Variants in PCSK2 observed in about 807,000 individuals in gnomAD.
The protein encoded by PCSK2 is neuroendocrine convertase 2.
Under a neutral mutation model 69.7 loss-of-function variants are expected in PCSK2, and 14 were observed. The observed-to-expected ratio is 0.20, with a 90% confidence interval of 0.13 to 0.31. The LOEUF is 0.31. Ranked by LOEUF, PCSK2 falls within the 10% of genes least tolerant of loss-of-function variation. The pLI is 1.00. For missense variants in PCSK2, 544 were observed against 842.5 expected, an observed-to-expected ratio of 0.65 and a Z score of 4.39; for synonymous variants, 307 against 320.7, an observed-to-expected ratio of 0.96 and a Z score of 0.46.
intron 2 of PCSK2, among the ~76,000 whole-genome samples, chr20:17,297,571 T>C (rs1485299567): frequency 6.6e-6 from 1 of 152,244 alleles, no homozygotes; most frequent in Non-Finnish European, 1.5e-5. Flanking sequence ...CATGGGTCTC[T>C]TTCCAGGACT....
Position 17,426,394 on chromosome 20 carries a change from C to T in PCSK2, c.621-3041C>T, listed in dbSNP as rs576631819. Among the ~76,000 whole-genome samples the T allele has an allele frequency of 1.6e-4, 25 of 152,324 alleles. No homozygotes were observed. The East Asian group carries it at 4.6e-3, about 28-fold the overall frequency. ...CTTTCCTTTATAAATTACCCAGTCT[C>T]TGGTATTTCTTCATAGCAGTGTGAA... On this transcript the variant is annotated intron_variant, in intron 6 of 11. Transcript: ENST00000262545.
chr20:17,457,396 GT>G (rs1453884991), intron 10 of PCSK2, among the ~76,000 whole-genome samples: 1 of 152,174 alleles, frequency 6.6e-6, no homozygotes, highest in Non-Finnish European at 1.5e-5. Flanking sequence ...GCAGGAGTTG[GT>G]TCCTAGAATA....
chr20:17,364,547 C>T (rs560304964), intron 4 of PCSK2, among the ~76,000 whole-genome samples: 1 of 152,238 alleles, frequency 6.6e-6, no homozygotes, highest in Admixed American at 6.5e-5. Context: ...AGGAGTTTCC[C>T]CTTATAAAAC....
At chr20:17,423,720 A>G (rs2032185064) in intron 6 of PCSK2, among the ~76,000 whole-genome samples, 1 of 152,252 alleles carries the variant, frequency 6.6e-6, no homozygotes, top group Non-Finnish European at 1.5e-5. Flanking sequence ...TTTATGGAAA[A>G]AAAGGCTTAA....
intron 2 of PCSK2, among the ~76,000 whole-genome samples, chr20:17,354,122 CT>C (rs1431782415): frequency 6.6e-6 from 1 of 152,118 alleles, no homozygotes; most frequent in African/African-American, 2.4e-5. Context: ...CATGTGCCCC[CT>C]GAATCTAAAA....
At chr20:17,303,453 TATTAAA>T (rs1989174792) in intron 2 of PCSK2, among the ~76,000 whole-genome samples, 1 of 104,748 alleles carries the variant, frequency 9.5e-6, no homozygotes, top group Non-Finnish European at 1.8e-5. Flanking sequence ...ATATATATTA[TATTAAA>T]TATAATATAT....
chr20:17,346,132 T>C (rs1990646347), intron 2 of PCSK2, among the ~76,000 whole-genome samples: 1 of 152,160 alleles, frequency 6.6e-6, no homozygotes, highest in African/African-American at 2.4e-5. Context: ...CTCCTTCTGG[T>C]TCACTAGCAG....
intron 2 of PCSK2, among the ~76,000 whole-genome samples, chr20:17,302,048 T>A (rs531714836): frequency 2.0e-5 from 3 of 152,208 alleles, no homozygotes; most frequent in Admixed American, 1.3e-4. Flanking sequence ...ATGTTTAGGA[T>A]GTAGGCAAGT....
At chr20:17,285,878 T>C (rs994780581) in intron 2 of PCSK2, among the ~76,000 whole-genome samples, 1 of 152,224 alleles carries the variant, frequency 6.6e-6, no homozygotes, top group Non-Finnish European at 1.5e-5. Flanking sequence ...GCAGTACTAG[T>C]GGCCTCAAAG....
intron 2 of PCSK2, among the ~76,000 whole-genome samples, chr20:17,277,820 T>C (rs1305214439): frequency 6.6e-6 from 1 of 151,984 alleles, no homozygotes; most frequent in Non-Finnish European, 1.5e-5. Flanking sequence ...AACCTACTCA[T>C]CTGACAAAGG....
chr20:17,282,250 AAC>A (rs546372327), intron 2 of PCSK2, among the ~76,000 whole-genome samples: 110 of 151,456 alleles, frequency 7.3e-4, no homozygotes, highest in Non-Finnish European at 1.2e-3. Flanking sequence ...CACACACATA[AAC>A]ACACACACAC....
chr20:17,422,726 A>T (rs2032159647), intron 6 of PCSK2, among the ~76,000 whole-genome samples: 1 of 152,188 alleles, frequency 6.6e-6, no homozygotes. Context: ...TGCCGACCGG[A>T]TACCAAAACA....
chr20:17,286,874 A>G (rs1206556795), intron 2 of PCSK2, among the ~76,000 whole-genome samples: 1 of 152,192 alleles, frequency 6.6e-6, no homozygotes, highest in Admixed American at 6.5e-5. Flanking sequence ...TAGGGTGTAT[A>G]CATACAGGTT....
intron 6 of PCSK2, among the ~76,000 whole-genome samples, chr20:17,418,132 A>T (rs2032043003): frequency 6.6e-6 from 1 of 152,214 alleles, no homozygotes; most frequent in Admixed American, 6.5e-5. Flanking sequence ...CAAGTTGAAC[A>T]GTTACTGTAT....
chr20:17,237,903 G>T (rs1986406106), intron 1 of PCSK2, among the ~76,000 whole-genome samples: 1 of 152,006 alleles, frequency 6.6e-6, no homozygotes, highest in Admixed American at 6.6e-5. Context: ...AGGAAGTTGG[G>T]GTATTTATAC....
rs1167223642 is a variant in PCSK2 at position 17,335,895 on chromosome 20, T to TC, written c.283-22431dup. ...GTGTGTGTGTGTGTGTGTGTGTGTA[T>TC]CATATTTTCTTTATCCACACATTGA... On this transcript the variant is annotated intron_variant, in intron 2 of 11. Coordinates refer to ENST00000262545, the MANE Select transcript of PCSK2 (RefSeq NM_002594.5). Among the ~76,000 whole-genome samples the TC allele has an allele frequency of 5.3e-5, 8 of 150,264 alleles. No individual in the cohort carries two copies. The East Asian group carries it at 1.6e-3, about 30-fold the overall frequency.
intron 11 of PCSK2, among the ~76,000 whole-genome samples, chr20:17,480,388 G>T (rs143623444): frequency 2.6e-5 from 4 of 151,296 alleles, no homozygotes; most frequent in Non-Finnish European, 5.9e-5. Context: ...ACAGGGTTTC[G>T]CCATGTTAGC....
chr20:17,243,189 T>C (rs1307980798), intron 1 of PCSK2, among the ~76,000 whole-genome samples: 1 of 152,152 alleles, frequency 6.6e-6, no homozygotes, highest in Non-Finnish European at 1.5e-5. Flanking sequence ...AATGAGTTGC[T>C]TCTTGTTTGG....
At chr20:17,455,684 G>A (rs561061707) in intron 9 of PCSK2, among the ~76,000 whole-genome samples, 19 of 152,322 alleles carry the variant, frequency 1.2e-4, no homozygotes, top group Non-Finnish European at 2.4e-4. Flanking sequence ...AAACTAGGGT[G>A]GGGGTATTGA....
Sources: allele counts gnomAD v4.1 joint callset (sites outside exome capture counted in the v4.1 genomes callset), GRCh38; gene constraint gnomAD v4.1.1; transcripts MANE v1.5; gene names NCBI Gene and HGNC (gene_info 2026-07-23, HGNC 2026-07-21).